The following SEZ6L variants were observed in gnomAD, a reference collection of about 807,000 sequenced individuals.
SEZ6L encodes seizure 6-like protein.
A neutral mutation model predicts 106.2 loss-of-function variants in SEZ6L; 37 were observed. The ratio of observed to expected loss-of-function variants is 0.35; its 90% confidence interval spans 0.27 to 0.46. The LOEUF is 0.46. Among genes scored for constraint, SEZ6L ranks in the 20% least tolerant of loss-of-function variants. The pLI is 1.00. For missense variants in SEZ6L, 1,172 were observed against 1,332.8 expected (o/e 0.88, Z 1.88); for synonymous variants, 541 against 570.4 (o/e 0.95, Z 0.73).
At chr22:26,371,953 G>A (rs965502378) in intron 13 of SEZ6L, among the ~76,000 whole-genome samples, 2 of 152,204 alleles carry the variant, frequency 1.3e-5, no homozygotes, top group African/African-American at 2.4e-5. Context: ...TGACATTGTG[G>A]TATGCAGGAG....
intron 9 of SEZ6L, among the ~76,000 whole-genome samples, chr22:26,324,067 C>CACACACACACACACAA: frequency 2.4e-5 from 1 of 41,780 alleles, no homozygotes; most frequent in East Asian, 4.7e-4. Flanking sequence ...TTTTTAACCA[C>CACACACACACACACAA]ACACACACAC....
intron 1 of SEZ6L, among the ~76,000 whole-genome samples, chr22:26,262,456 A>T (rs920671400): frequency 6.6e-6 from 1 of 152,194 alleles, no homozygotes; most frequent in African/African-American, 2.4e-5. Context: ...ATACAAACTC[A>T]TTCATTTATT....
intron 1 of SEZ6L, among the ~76,000 whole-genome samples, chr22:26,242,108 G>A (rs966525723): frequency 9.2e-5 from 14 of 152,274 alleles, no homozygotes; most frequent in African/African-American, 3.4e-4. Context: ...TGTCAGTGAA[G>A]CTGGCATTCA....
chr22:26,304,371 AGAAAG>A (rs1377250154), intron 5 of SEZ6L, among the ~76,000 whole-genome samples: 1 of 44,772 alleles, frequency 2.2e-5, no homozygotes, highest in African/African-American at 9.4e-5. Flanking sequence ...AAAAGAAAGA[AGAAAG>A]AAAGAAAGAA....
intron 11 of SEZ6L, among the ~76,000 whole-genome samples, chr22:26,348,646 AAAAGAAAGAAAGAAAG>A (rs768075015): frequency 2.1e-3 from 16 of 7,694 alleles, no homozygotes; most frequent in South Asian, 7.5e-3. Flanking sequence ...GAAAGAAAGA[AAAAGAAAGAAAGAAAG>A]AAAGAAAGAA....
intron 1 of SEZ6L, among the ~76,000 whole-genome samples, chr22:26,219,906 C>G (rs1409945007): frequency 3.3e-5 from 5 of 152,270 alleles, no homozygotes; most frequent in African/African-American, 1.2e-4. Context: ...ACACGTTTAC[C>G]TATGTAACAA....
At chr22:26,296,220 G>A (rs137209) in intron 3 of SEZ6L, among the ~76,000 whole-genome samples, 54,499 of 151,968 alleles carry the variant, frequency 0.36, 10,463 homozygotes, top group African/African-American at 0.42. Flanking sequence ...AAATGGCAAA[G>A]CAAGTGTCTG....
chr22:26,294,196 G>T, intron 2 of SEZ6L, 96 bp from the exon 3 acceptor site: 2 of 1,188,340 alleles, frequency 1.7e-6, no homozygotes, highest in Non-Finnish European at 2.4e-6. Flanking sequence ...ACAGCAAAAT[G>T]CAGGTTCCCC....
chr22:26,372,950 A>T (rs1361734242), intron 13 of SEZ6L, among the ~76,000 whole-genome samples: 3 of 152,182 alleles, frequency 2.0e-5, no homozygotes, highest in Admixed American at 6.5e-5. Flanking sequence ...TTTGCCCCAC[A>T]TGAAAATGAT....
In SEZ6L at chr22:26,292,736, T is replaced by C; in HGVS notation, c.425T>C (p.Val142Ala). 4 of 1,613,994 alleles carry C rather than the reference T, an allele frequency of 2.5e-6. No homozygotes were observed. Among genetic ancestry groups the C allele is most frequent in the East Asian group, 2.2e-5 (1 of 44,868 alleles). ...CCCAAGGCCACCTCCGCAGCCACTG[T>C]CCAAAGGGCAGGGTCCCAGCCAGCG... ...LRPKATSAAT[V>A]QRAGSQPASQ... Residue 142 changes from valine (V) to alanine (A), a missense_variant, in exon 2 of 17, where the codon GTC (valine) becomes GCC (alanine). Physicochemically the swap from Val to Ala is moderately conservative, Grantham distance 64. Around this residue, in one of 4 missense-constraint regions of SEZ6L, gnomAD observed 494 missense variants for 445.8 expected, o/e 1.11. Transcript: ENST00000248933.
intron 13 of SEZ6L, among the ~76,000 whole-genome samples, chr22:26,372,295 A>C (rs1601645242): frequency 2.0e-5 from 3 of 152,212 alleles, no homozygotes; most frequent in Non-Finnish European, 4.4e-5. Context: ...CAGGGCTCCA[A>C]GGAACACATG....
At chr22:26,201,483 C>G (rs1219770601) in intron 1 of SEZ6L, among the ~76,000 whole-genome samples, 1 of 150,848 alleles carries the variant, frequency 6.6e-6, no homozygotes. Flanking sequence ...ACGGCTTGAA[C>G]CTGGGAGGCA....
At position 26,310,736 on chromosome 22, in the gene SEZ6L, T is replaced by G. The variant is rs892357824; in HGVS notation, c.1581T>G (p.Ser527Arg). Residue 527 changes from serine to arginine, a missense_variant, in exon 7 of 17, where the codon AGT (serine) becomes AGG (arginine). Physicochemically the swap from Ser to Arg is moderately radical, Grantham distance 110. Transcript: ENST00000248933. ...TCTACGACTCCCTTCAAACCGAGAG[T>G]GTCCCTTTTGAGGGCCTGCTGAGCG... ...ALLYDSLQTE[S>R]VPFEGLLSEG... The G allele has an allele frequency of 1.2e-6, 2 of 1,612,984 alleles. No individual in the cohort carries two copies. Among genetic ancestry groups the G allele is most frequent in the Non-Finnish European group, 1.7e-6 (2 of 1,179,680 alleles).
intron 1 of SEZ6L, among the ~76,000 whole-genome samples, chr22:26,176,698 T>G (rs1222115068): frequency 6.6e-6 from 1 of 152,228 alleles, no homozygotes; most frequent in African/African-American, 2.4e-5. Flanking sequence ...ATTACAAGAT[T>G]GTTAAGACTC....
intron 12 of SEZ6L, among the ~76,000 whole-genome samples, chr22:26,363,201 A>G (rs1158894548): frequency 6.6e-6 from 1 of 152,232 alleles, no homozygotes; most frequent in Non-Finnish European, 1.5e-5. Flanking sequence ...ATTATTTGAA[A>G]TCTCCTAATC....
chr22:26,221,735 C>CG (rs553298860), intron 1 of SEZ6L, among the ~76,000 whole-genome samples: 193 of 135,780 alleles, frequency 1.4e-3, no homozygotes, highest in Non-Finnish European at 2.4e-3. Context: ...CGCGTGCACA[C>CG]GCGTGCACAC....
intron 1 of SEZ6L, among the ~76,000 whole-genome samples, chr22:26,265,392 G>C (rs1349103175): frequency 6.6e-6 from 1 of 152,118 alleles, no homozygotes; most frequent in Non-Finnish European, 1.5e-5. Context: ...CATCAAATTA[G>C]GCCAAGTAAT....
intron 1 of SEZ6L, among the ~76,000 whole-genome samples, chr22:26,231,923 C>G (rs887795634): frequency 1.3e-5 from 2 of 152,202 alleles, no homozygotes; most frequent in Non-Finnish European, 2.9e-5. Context: ...AGTTTGTCAT[C>G]CTGTGACATG....
At chr22:26,255,140 T>A (rs949538134) in intron 1 of SEZ6L, among the ~76,000 whole-genome samples, 23 of 152,188 alleles carry the variant, frequency 1.5e-4, no homozygotes, top group African/African-American at 2.4e-5. Context: ...ATTTGTTACA[T>A]GCAATTTGAT....
Sources: gnomAD v4.1 joint callset for allele counts (sites outside exome capture counted in the v4.1 genomes callset) on GRCh38, gnomAD v4.1.1 for gene constraint, gnomAD v4.1.1 regional missense constraint, MANE v1.5 for transcripts, NCBI Gene and HGNC (gene_info 2026-07-23, HGNC 2026-07-21) for gene names.